The following CDK6 variants were observed in gnomAD, a reference collection of about 807,000 sequenced individuals.
CDK6 encodes the protein cyclin dependent kinase 6.
Under a neutral mutation model 37.1 loss-of-function variants are expected in CDK6, and 6 were observed. That is an observed-to-expected ratio of 0.16 (90% CI 0.09 to 0.32). The LOEUF is 0.32. CDK6 is among the 10% of genes least tolerant of loss of function. The probability of loss-of-function intolerance (pLI) is 1.00; values close to 1 mark genes in which losing one functional copy is unlikely to be tolerated. For synonymous variants in CDK6, 160 were observed against 161.3 expected, an observed-to-expected ratio of 0.99 and a Z score of 0.06; for missense variants, 224 against 418.9, an observed-to-expected ratio of 0.53 and a Z score of 4.06.
chr7:92,825,635 AATC>A (rs1180856553), intron 2 of CDK6, among the ~76,000 whole-genome samples: 2 of 152,198 alleles, frequency 1.3e-5, no homozygotes, highest in African/African-American at 2.4e-5. Context: ...TGAAATTCAG[AATC>A]ATCATCTTTT....
At chr7:92,723,913 A>T (rs1798445103) in intron 4 of CDK6, among the ~76,000 whole-genome samples, 1 of 150,576 alleles carries the variant, frequency 6.6e-6, no homozygotes, top group Non-Finnish European at 1.5e-5. Context: ...TAATAAGCAA[A>T]AAAAAAAAAA....
At chr7:92,621,211 A>G (rs1175919378) in intron 6 of CDK6, among the ~76,000 whole-genome samples, 2 of 152,236 alleles carry the variant, frequency 1.3e-5, no homozygotes, top group East Asian at 3.8e-4. Flanking sequence ...TTCTCTGGCA[A>G]GGTAATGCAT....
chr7:92,724,076 C>G lies in CDK6; in HGVS notation c.537+1550G>C, dbSNP rs574374892. 5.3e-5 allele frequency among the ~76,000 whole-genome samples: 8 copies of G among 152,208 alleles called. No homozygotes were observed. The South Asian group carries it at 1.0e-3, about 20-fold the overall frequency. ...GGAGACAAGTTCCTTCCATCTACTCCCCTGATGACTCTCTGGATCACAAAG... is the reference window on the plus strand; with the variant it reads ...GGAGACAAGTTCCTTCCATCTACTCGCCTGATGACTCTCTGGATCACAAAG... On this transcript the variant is annotated intron_variant, in intron 4 of 7. Coordinates refer to ENST00000424848, the MANE Select transcript of CDK6 (RefSeq NM_001145306.2).
intron 2 of CDK6, among the ~76,000 whole-genome samples, chr7:92,780,622 G>A (rs1487871490): frequency 2.0e-5 from 3 of 151,732 alleles, no homozygotes; most frequent in African/African-American, 4.8e-5. Context: ...TTAGCCGGGC[G>A]TGGTGGCAGG....
In CDK6 at chr7:92,742,709, A is replaced by G. The variant is rs1412108815; in HGVS notation, c.370-16916T>C. On this transcript the variant is annotated intron_variant, in intron 3 of 7. Coordinates refer to ENST00000424848, the MANE Select transcript of CDK6 (RefSeq NM_001145306.2). ...TTTTTTTCTGAATTTACCAGTTAAA[A>G]TTTTATATGTATAAAATGTATACAT... 2.6e-5 allele frequency among the ~76,000 whole-genome samples: 4 copies of G among 151,502 alleles called. No individual in the cohort carries two copies. In the East Asian group the frequency reaches 7.7e-4, roughly 29 times the overall value.
At chr7:92,675,357 A>G (rs1797180281) in intron 4 of CDK6, among the ~76,000 whole-genome samples, 1 of 152,254 alleles carries the variant, frequency 6.6e-6, no homozygotes, top group Non-Finnish European at 1.5e-5. Flanking sequence ...GCTTTTTAAA[A>G]TGTCTATTAA....
chr7:92,622,932 G>T, intron 6 of CDK6, 104 bp downstream of exon 6: 1 of 723,270 alleles, frequency 1.4e-6, no homozygotes, highest in Non-Finnish European at 2.4e-6. Flanking sequence ...GCTGCTTGAA[G>T]TAAGAAAGAC....
intron 3 of CDK6, among the ~76,000 whole-genome samples, chr7:92,770,683 A>T (rs949966101): frequency 1.3e-5 from 2 of 152,248 alleles, no homozygotes; most frequent in South Asian, 4.1e-4. Flanking sequence ...ATGAAATGAT[A>T]AGCAAAATGA....
At chr7:92,736,059 C>T (rs1798779441) in intron 3 of CDK6, among the ~76,000 whole-genome samples, 2 of 152,134 alleles carry the variant, frequency 1.3e-5, no homozygotes, top group Non-Finnish European at 2.9e-5. Context: ...CAAATTTGTA[C>T]TTGCAAGTTA....
At chr7:92,686,478 C>T (rs1797456433) in intron 4 of CDK6, among the ~76,000 whole-genome samples, 2 of 152,016 alleles carry the variant, frequency 1.3e-5, no homozygotes, top group Non-Finnish European at 2.9e-5. Context: ...AGTAGTATTT[C>T]ATTATATATA....
At chr7:92,664,888 C>A (rs1353519283) in intron 5 of CDK6, among the ~76,000 whole-genome samples, 2 of 151,796 alleles carry the variant, frequency 1.3e-5, no homozygotes. Context: ...TGGGTTCAAG[C>A]GATTCTCCTG....
intron 2 of CDK6, among the ~76,000 whole-genome samples, chr7:92,775,685 C>A (rs959818714): frequency 6.6e-6 from 1 of 152,044 alleles, no homozygotes; most frequent in African/African-American, 2.4e-5. Flanking sequence ...CAGATTCTCA[C>A]CAAATGTTTG....
At chr7:92,724,517 T>A (rs1293179868) in intron 4 of CDK6, among the ~76,000 whole-genome samples, 1 of 152,138 alleles carries the variant, frequency 6.6e-6, no homozygotes, top group African/African-American at 2.4e-5. Flanking sequence ...ATAAATTGGA[T>A]TTTTTCCTAA....
intron 2 of CDK6, among the ~76,000 whole-genome samples, chr7:92,796,736 TA>T (rs1488953118): frequency 6.6e-6 from 1 of 152,122 alleles, no homozygotes; most frequent in African/African-American, 2.4e-5. Flanking sequence ...TAGAGGTAAA[TA>T]AACAGGGCAC....
intron 3 of CDK6, among the ~76,000 whole-genome samples, chr7:92,730,791 C>A (rs2115579250): frequency 1.3e-5 from 2 of 152,246 alleles, no homozygotes; most frequent in South Asian, 4.1e-4. Context: ...CATAGATGGG[C>A]ACCTCAGTAG....
At chr7:92,826,006 CAATAAGTG>C (rs1469905361) in intron 2 of CDK6, among the ~76,000 whole-genome samples, 1 of 152,096 alleles carries the variant, frequency 6.6e-6, no homozygotes, top group African/African-American at 2.4e-5. Context: ...CCAGGAATCC[CAATAAGTG>C]TAATCCAATA....
intron 3 of CDK6, among the ~76,000 whole-genome samples, chr7:92,750,882 A>G (rs942430888): frequency 2.6e-5 from 4 of 152,218 alleles, no homozygotes; most frequent in African/African-American, 9.6e-5. Flanking sequence ...ATACTTAATG[A>G]CAGAGTTTTC....
intron 4 of CDK6, among the ~76,000 whole-genome samples, chr7:92,715,951 C>A (rs1226225260): frequency 1.3e-5 from 2 of 152,076 alleles, no homozygotes; most frequent in Non-Finnish European, 1.5e-5. Flanking sequence ...GGAGATCTGG[C>A]AAGGTTTGTG....
At position 92,713,579 on chromosome 7, in the gene CDK6, T is replaced by C. The variant is rs569999710; in HGVS notation, c.537+12047A>G. ...TGAGTATCACTGATTAAGCTTCCAT[T>C]TACTCTGTTGCTCTGTACTGAAAGC... On this transcript the variant is annotated intron_variant, in intron 4 of 7. Coordinates refer to ENST00000424848, the MANE Select transcript of CDK6 (RefSeq NM_001145306.2). 7.2e-5 allele frequency among the ~76,000 whole-genome samples: 11 copies of C among 151,868 alleles called. No homozygotes were observed. In the South Asian group the frequency reaches 2.1e-3, roughly 29 times the overall value.
Sources: gnomAD v4.1 joint callset for allele counts (sites outside exome capture counted in the v4.1 genomes callset) on GRCh38, gnomAD v4.1.1 for gene constraint, MANE v1.5 for transcripts, NCBI Gene and HGNC (gene_info 2026-07-23, HGNC 2026-07-21) for gene names.